SLC25A17: variants seen among roughly 807,000 people sequenced by gnomAD.
SLC25A17 encodes solute carrier family 25 member 17.
A neutral mutation model predicts 38.5 loss-of-function variants in SLC25A17; 26 were observed. That is an observed-to-expected ratio of 0.68 (90% CI 0.50 to 0.94). The LOEUF (loss-of-function observed/expected upper bound fraction) is 0.94, where lower values mean the gene tolerates loss of function less well. SLC25A17 is among the 40% of genes least tolerant of loss of function. The pLI, the probability that SLC25A17 is intolerant of heterozygous loss-of-function variation, is 0.00. For synonymous variants in SLC25A17, 139 were observed against 136.2 expected, an observed-to-expected ratio of 1.02 and a Z score of -0.14; for missense variants, 333 against 372.7, an observed-to-expected ratio of 0.89 and a Z score of 0.88.
chr22:40,792,901 GATTT>G (rs1194091786), intron 3 of SLC25A17, among the ~76,000 whole-genome samples: 17 of 152,122 alleles, frequency 1.1e-4, no homozygotes, highest in Non-Finnish European at 1.5e-4. Context: ...AAGTCTGATT[GATTT>G]ATTAATTCCC....
chr22:40,785,932 G>C (rs2057334249), intron 4 of SLC25A17, among the ~76,000 whole-genome samples: 1 of 152,020 alleles, frequency 6.6e-6, no homozygotes, highest in African/African-American at 2.4e-5. Flanking sequence ...ACTGTACCCA[G>C]CCCTCATTCA....
intron 7 of SLC25A17, chr22:40,776,050 G>C (rs2057240551): frequency 1.1e-5 from 3 of 271,516 alleles, no homozygotes; most frequent in South Asian, 1.1e-4. Context: ...TTTGCATCTT[G>C]ATTTAAATAT....
intron 1 of SLC25A17, among the ~76,000 whole-genome samples, chr22:40,800,839 C>T (rs2057474265): frequency 6.7e-6 from 1 of 149,938 alleles, no homozygotes; most frequent in South Asian, 2.1e-4. Flanking sequence ...ATGGCTCACG[C>T]CTGTAATCAA....
intron 7 of SLC25A17, among the ~76,000 whole-genome samples, chr22:40,774,487 G>A (rs2057221150): frequency 6.6e-6 from 1 of 152,192 alleles, no homozygotes. Flanking sequence ...GCCTCCCGAA[G>A]TTCTGGGATT....
chr22:40,816,481 A>G (rs930354294), intron 1 of SLC25A17, among the ~76,000 whole-genome samples: 4 of 152,184 alleles, frequency 2.6e-5, no homozygotes, highest in Non-Finnish European at 2.9e-5. Flanking sequence ...TGACAACGGT[A>G]CACAAAGCCT....
intron 2 of SLC25A17, among the ~76,000 whole-genome samples, chr22:40,795,451 C>G (rs1196787113): frequency 6.6e-6 from 1 of 152,104 alleles, no homozygotes; most frequent in Non-Finnish European, 1.5e-5. Context: ...CACCACGATG[C>G]CCGGCTAATT....
chr22:40,781,919 T>G (rs2057298152), intron 4 of SLC25A17, among the ~76,000 whole-genome samples: 1 of 152,036 alleles, frequency 6.6e-6, no homozygotes, highest in Non-Finnish European at 1.5e-5. Flanking sequence ...TGTAAGCCCG[T>G]GTAACTCTTC....
At chr22:40,782,212 C>T (rs138459071) in intron 4 of SLC25A17, among the ~76,000 whole-genome samples, 1,438 of 141,984 alleles carry the variant, frequency 0.01, 21 homozygotes, top group African/African-American at 0.032. Context: ...AGAGCGAGAC[C>T]CCATCTCAAA....
intron 1 of SLC25A17, among the ~76,000 whole-genome samples, chr22:40,807,978 C>T (rs1056558566): frequency 6.6e-6 from 1 of 152,066 alleles, no homozygotes; most frequent in Non-Finnish European, 1.5e-5. Flanking sequence ...TTTATCTTAA[C>T]ATAAACACTC....
intron 1 of SLC25A17, among the ~76,000 whole-genome samples, chr22:40,814,754 AATATATATAT>A (rs10527651): frequency 0.016 from 2,201 of 135,156 alleles, 69 homozygotes; most frequent in African/African-American, 0.053. Flanking sequence ...GTACGTGCAG[AATATATATAT>A]ATATATATAT....
intron 1 of SLC25A17, among the ~76,000 whole-genome samples, chr22:40,806,348 T>C (rs1175452093): frequency 1.3e-5 from 2 of 152,234 alleles, no homozygotes; most frequent in Non-Finnish European, 2.9e-5. Flanking sequence ...AGTTGAAATG[T>C]AGGCTTCCAT....
intron 1 of SLC25A17, among the ~76,000 whole-genome samples, chr22:40,800,423 G>C (rs540759131): frequency 1.3e-5 from 2 of 152,228 alleles, no homozygotes; most frequent in South Asian, 4.1e-4. Flanking sequence ...TTTAGAGACA[G>C]TGTCTTGCTA....
At chr22:40,807,300 T>C (rs974044812) in intron 1 of SLC25A17, among the ~76,000 whole-genome samples, 1 of 152,220 alleles carries the variant, frequency 6.6e-6, no homozygotes, top group Non-Finnish European at 1.5e-5. Flanking sequence ...ATCATTCTCT[T>C]TATTTTATAG....
intron 7 of SLC25A17, among the ~76,000 whole-genome samples, 186 bp downstream of exon 7, chr22:40,776,854 A>G (rs2057248306): frequency 6.6e-6 from 1 of 152,174 alleles, no homozygotes; most frequent in Non-Finnish European, 1.5e-5. Flanking sequence ...ATGGTGCACC[A>G]CGGTACTCCA....
chr22:40,792,160 C>T (rs1324237357), intron 4 of SLC25A17, among the ~76,000 whole-genome samples: 2 of 151,934 alleles, frequency 1.3e-5, no homozygotes, highest in Admixed American at 6.6e-5. Flanking sequence ...GTGTATGATT[C>T]GACTTATATC....
intron 4 of SLC25A17, among the ~76,000 whole-genome samples, chr22:40,781,257 T>G (rs1011772969): frequency 1.1e-4 from 17 of 151,960 alleles, no homozygotes; most frequent in African/African-American, 2.2e-4. Context: ...TTCTTTTTTT[T>G]TTTTTTGAGA....
Position 40,819,324 on chromosome 22 carries a change from G to A in SLC25A17, c.-76C>T, listed in dbSNP as rs978651650. 10 of 1,527,438 alleles carry A rather than the reference G, an allele frequency of 6.5e-6. No individual in the cohort carries two copies. Among genetic ancestry groups the A allele is most frequent in the African/African-American group, 2.8e-5 (2 of 72,376 alleles). The allele number at this position is 1,527,438 out of a possible 1,614,324, so 94.6% of individuals were successfully genotyped here. On this transcript the variant is annotated 5_prime_UTR_variant, in exon 1 of 9. Coordinates refer to ENST00000435456, the MANE Select transcript of SLC25A17 (RefSeq NM_006358.4). ...CCAGTGGAGTTAGGAAAGGAGCACC[G>A]GAGCTCAGGGTGTGAGAGTCGCAAT...
chr22:40,819,097 T>C (rs2057670342), intron 1 of SLC25A17, 98 bp downstream of exon 1: 3 of 1,300,204 alleles, frequency 2.3e-6, no homozygotes, highest in Admixed American at 1.9e-5. Flanking sequence ...CAACCCACAC[T>C]ACCTCCCTCT....
intron 8 of SLC25A17, among the ~76,000 whole-genome samples, chr22:40,772,057 A>C (rs1357022357): frequency 6.6e-6 from 1 of 152,096 alleles, no homozygotes; most frequent in African/African-American, 2.4e-5. Context: ...ATTTGTATAC[A>C]AGCTTTTGTG....
Sources: allele counts gnomAD v4.1 joint callset (sites outside exome capture counted in the v4.1 genomes callset), GRCh38; gene constraint gnomAD v4.1.1; transcripts MANE v1.5; gene names NCBI Gene and HGNC (gene_info 2026-07-23, HGNC 2026-07-21).